Variants in GNB1 observed in about 807,000 individuals in gnomAD.
GNB1 encodes the protein G protein subunit beta 1, also known as guanine nucleotide-binding protein G(I)/G(S)/G(T) subunit beta-1.
Under a neutral mutation model 42.9 loss-of-function variants are expected in GNB1, and 2 were observed. The ratio of observed to expected loss-of-function variants is 0.05; its 90% CI spans 0.02 to 0.15. The LOEUF is 0.15. GNB1 is among the 10% of genes least tolerant of loss of function. The pLI is 1.00. For missense variants in GNB1, 193 were observed against 462.2 expected (o/e 0.42, Z 5.34); for synonymous variants, 183 against 174.7 (o/e 1.05, Z -0.38).
At chr1:1,857,916 T>C (rs1031886905) in intron 1 of GNB1, among the ~76,000 whole-genome samples, 2 of 152,114 alleles carry the variant, frequency 1.3e-5, no homozygotes, top group Non-Finnish European at 2.9e-5. Flanking sequence ...ATAAAAGTTA[T>C]GGGAATGTGG....
chr1:1,806,138 A>C (rs1048459330), intron 6 of GNB1, among the ~76,000 whole-genome samples: 1 of 152,216 alleles, frequency 6.6e-6, no homozygotes, highest in African/African-American at 2.4e-5. Context: ...ATGAAAAGTG[A>C]TACTTCTGCA....
At chr1:1,842,862 A>C (rs1483642040) in intron 1 of GNB1, among the ~76,000 whole-genome samples, 1 of 152,244 alleles carries the variant, frequency 6.6e-6, no homozygotes, top group Non-Finnish European at 1.5e-5. Context: ...AAACTACCCC[A>C]GACTTCAGGA....
At chr1:1,832,073 AAAAAAAGAAAAG>A (rs1647083558) in intron 2 of GNB1, among the ~76,000 whole-genome samples, 1 of 151,710 alleles carries the variant, frequency 6.6e-6, no homozygotes, top group African/African-American at 2.4e-5. Context: ...CAAAAAAAAA[AAAAAAAGAAAAG>A]AAAAAAGAAA....
chr1:1,798,660 G>C (rs2100616730), intron 7 of GNB1, among the ~76,000 whole-genome samples: 1 of 152,320 alleles, frequency 6.6e-6, no homozygotes, highest in Middle Eastern at 3.4e-3. Flanking sequence ...TTGGCCCTTA[G>C]GGATCTGCTT....
intron 1 of GNB1, among the ~76,000 whole-genome samples, chr1:1,859,851 T>C (rs1570726986): frequency 7.4e-6 from 1 of 135,296 alleles, no homozygotes; most frequent in South Asian, 2.3e-4. Context: ...TGTTCTCTAC[T>C]AAAAATACAA....
intron 1 of GNB1, among the ~76,000 whole-genome samples, chr1:1,881,103 G>C (rs903827446): frequency 6.6e-6 from 1 of 152,128 alleles, no homozygotes; most frequent in Non-Finnish European, 1.5e-5. Flanking sequence ...TGCAAAACAT[G>C]AGAAAGCCTC....
At chr1:1,850,278 G>A (rs986732124) in intron 1 of GNB1, among the ~76,000 whole-genome samples, 5 of 151,994 alleles carry the variant, frequency 3.3e-5, no homozygotes, top group Non-Finnish European at 7.4e-5. Flanking sequence ...TTCCAGGCAT[G>A]TGCCATCACA....
chr1:1,847,291 G>C (rs746722167), intron 1 of GNB1, among the ~76,000 whole-genome samples: 23 of 138,648 alleles, frequency 1.7e-4, no homozygotes, highest in Admixed American at 3.5e-4. Flanking sequence ...AACAAGACTG[G>C]GACAACAAAA....
intron 2 of GNB1, among the ~76,000 whole-genome samples, chr1:1,835,777 C>G (rs2101111377): frequency 6.6e-6 from 1 of 152,014 alleles, no homozygotes; most frequent in Non-Finnish European, 1.5e-5. Context: ...GTTGAACATT[C>G]CAAGAAAATG....
chr1:1,873,463 G>A (rs1649360822), intron 1 of GNB1, among the ~76,000 whole-genome samples: 1 of 152,182 alleles, frequency 6.6e-6, no homozygotes, highest in South Asian at 2.1e-4. Flanking sequence ...TGCTAGCGTG[G>A]CCAGCACAGT....
chr1:1,840,699 G>C (rs1208485187), intron 1 of GNB1, among the ~76,000 whole-genome samples: 2 of 152,302 alleles, frequency 1.3e-5, no homozygotes, highest in East Asian at 3.9e-4. Flanking sequence ...AGTCTATGTT[G>C]GGACACTTCC....
intron 6 of GNB1, among the ~76,000 whole-genome samples, chr1:1,805,626 T>C (rs1349430103): frequency 6.6e-6 from 1 of 151,908 alleles, no homozygotes; most frequent in African/African-American, 2.4e-5. Context: ...CTGCAACCTC[T>C]GCCTCCTGGG....
chr1:1,889,085 G>A (rs1650319508), intron 1 of GNB1, among the ~76,000 whole-genome samples: 1 of 152,154 alleles, frequency 6.6e-6, no homozygotes, highest in Non-Finnish European at 1.5e-5. Context: ...TCAATAAAGA[G>A]CTCCTCCCTC....
chr1:1,886,249 T>C (rs1232655512), intron 1 of GNB1, among the ~76,000 whole-genome samples: 2 of 152,080 alleles, frequency 1.3e-5, no homozygotes. Context: ...ACCCGTGAGA[T>C]GGTGGTTGCA....
intron 5 of GNB1, among the ~76,000 whole-genome samples, chr1:1,814,815 AAAAAAG>A (rs1557897975): frequency 8.8e-5 from 12 of 136,132 alleles, no homozygotes; most frequent in African/African-American, 2.0e-4. Context: ...AAAAAAAAAA[AAAAAAG>A]AAAAAAAGAG....
At chr1:1,809,035 A>C (rs767767549) in intron 5 of GNB1, among the ~76,000 whole-genome samples, 10 of 152,048 alleles carry the variant, frequency 6.6e-5, no homozygotes, top group Non-Finnish European at 1.5e-4. Context: ...TTTGTTGATA[A>C]CTCTGACACT....
chr1:1,814,859 T>A (rs1354350672), intron 5 of GNB1, among the ~76,000 whole-genome samples: 6 of 143,610 alleles, frequency 4.2e-5, no homozygotes, highest in Non-Finnish European at 1.5e-5. Context: ...ACGCCTGTAA[T>A]CCCATCACTT....
At chr1:1,809,018 C>T (rs1646740536) in intron 5 of GNB1, among the ~76,000 whole-genome samples, 1 of 152,106 alleles carries the variant, frequency 6.6e-6, no homozygotes, top group South Asian at 2.1e-4. Context: ...GTAACGCTCT[C>T]TCAAGTTTTG....
chr1:1,788,995 G>A, intron 10 of GNB1, 58 bp downstream of exon 10: 3 of 1,216,794 alleles, frequency 2.5e-6, no homozygotes, highest in Non-Finnish European at 1.2e-6. Context: ...CTCTGTGTTT[G>A]CTCTAAAGAT....
Sources: gnomAD v4.1 joint callset for allele counts (sites outside exome capture counted in the v4.1 genomes callset) on GRCh38, gnomAD v4.1.1 for gene constraint, MANE v1.5 for transcripts, NCBI Gene and HGNC (gene_info 2026-07-23, HGNC 2026-07-21) for gene names.